AUTS2: variants seen among roughly 807,000 people sequenced by gnomAD.
AUTS2 encodes activator of transcription and developmental regulator AUTS2, also known as autism susceptibility gene 2 protein.
Under a neutral mutation model 112.4 loss-of-function variants are expected in AUTS2, and 17 were observed. That is an observed-to-expected ratio of 0.15 (90% confidence interval 0.10 to 0.23). The LOEUF (loss-of-function observed/expected upper bound fraction) is 0.23. AUTS2 is among the 10% of genes least tolerant of loss of function. The pLI is 1.00. For synonymous variants in AUTS2, 751 were observed against 702.7 expected (o/e 1.07, Z -1.09); for missense variants, 1,510 against 1,701.6 (o/e 0.89, Z 1.98).
At chr7:69,902,593 T>G (rs1287962070) in intron 2 of AUTS2, among the ~76,000 whole-genome samples, 1 of 152,204 alleles carries the variant, frequency 6.6e-6, no homozygotes, top group Non-Finnish European at 1.5e-5. Flanking sequence ...ACAGCTTTCC[T>G]GTAATTATGG....
chr7:70,515,371 G>A (rs1258470593), intron 5 of AUTS2, among the ~76,000 whole-genome samples: 1 of 152,140 alleles, frequency 6.6e-6, no homozygotes, highest in East Asian at 1.9e-4. Context: ...TGACTCCTAG[G>A]AGGATTTCCA....
intron 4 of AUTS2, among the ~76,000 whole-genome samples, chr7:70,222,147 A>G (rs1039468021): frequency 3.9e-5 from 6 of 152,240 alleles, no homozygotes; most frequent in African/African-American, 7.2e-5. Flanking sequence ...ATGCTCCAGC[A>G]TTTTACATAT....
intron 4 of AUTS2, chr7:70,290,556 A>T (rs760972478): frequency 1.0e-5 from 15 of 1,493,936 alleles, no homozygotes; most frequent in African/African-American, 4.3e-5. Flanking sequence ...ACTCTATGTG[A>T]TATAGATTCT....
At chr7:70,682,925 C>T (rs1585499518) in intron 5 of AUTS2, among the ~76,000 whole-genome samples, 2 of 152,340 alleles carry the variant, frequency 1.3e-5, no homozygotes, top group South Asian at 4.1e-4. Context: ...CTTGGGCATC[C>T]TTACTATATG....
chr7:70,690,940 G>T (rs1808722921), intron 5 of AUTS2, among the ~76,000 whole-genome samples: 1 of 152,184 alleles, frequency 6.6e-6, no homozygotes, highest in Non-Finnish European at 1.5e-5. Flanking sequence ...CAGCTTGGGT[G>T]ACAAAGTGAG....
At chr7:69,756,094 A>G (rs184397417) in intron 1 of AUTS2, among the ~76,000 whole-genome samples, 2 of 152,354 alleles carry the variant, frequency 1.3e-5, no homozygotes, top group Admixed American at 1.3e-4. Flanking sequence ...AACTGTAGGT[A>G]GTAAAGTGGC....
chr7:70,189,357 CT>C (rs1562775263), intron 4 of AUTS2, among the ~76,000 whole-genome samples: 1 of 152,178 alleles, frequency 6.6e-6, no homozygotes, highest in Non-Finnish European at 1.5e-5. Context: ...GGCATTGAAT[CT>C]TGGCCAGGCA....
At chr7:70,224,053 G>A (rs921372805) in intron 4 of AUTS2, among the ~76,000 whole-genome samples, 4 of 152,012 alleles carry the variant, frequency 2.6e-5, no homozygotes, top group Admixed American at 6.6e-5. Flanking sequence ...AGTGGCTCAC[G>A]CCTGTAATCC....
At chr7:70,051,967 G>A (rs1035493875) in intron 2 of AUTS2, among the ~76,000 whole-genome samples, 2 of 152,096 alleles carry the variant, frequency 1.3e-5, no homozygotes, top group Non-Finnish European at 2.9e-5. Flanking sequence ...GCCATTGTGT[G>A]GATTTAAAAG....
At chr7:70,027,890 T>TGAACAGTG (rs1800592926) in intron 2 of AUTS2, among the ~76,000 whole-genome samples, 1 of 152,180 alleles carries the variant, frequency 6.6e-6, no homozygotes, top group Non-Finnish European at 1.5e-5. Flanking sequence ...AAGTGTTTTT[T>TGAACAGTG]TTTGTTTGTT....
At chr7:70,773,451 T>C (rs1453132217) in intron 11 of AUTS2, among the ~76,000 whole-genome samples, 1 of 152,224 alleles carries the variant, frequency 6.6e-6, no homozygotes, top group Non-Finnish European at 1.5e-5. Flanking sequence ...AGAATTGCTT[T>C]AGAAATCATC....
chr7:69,910,775 C>G (rs1174257819), intron 2 of AUTS2, among the ~76,000 whole-genome samples: 1 of 151,868 alleles, frequency 6.6e-6, no homozygotes, highest in Non-Finnish European at 1.5e-5. Context: ...CTACAGGCAC[C>G]TGCCACCACG....
At chr7:70,412,465 AT>A (rs1346293481) in intron 4 of AUTS2, among the ~76,000 whole-genome samples, 4 of 152,174 alleles carry the variant, frequency 2.6e-5, no homozygotes, top group African/African-American at 9.6e-5. Flanking sequence ...ATCTAAGATG[AT>A]TTATGCATCT....
chr7:70,245,807 C>T (rs922229298), intron 4 of AUTS2, among the ~76,000 whole-genome samples: 5 of 152,016 alleles, frequency 3.3e-5, no homozygotes, highest in African/African-American at 1.2e-4. Flanking sequence ...TACTAGATAA[C>T]GCTAAGTTGA....
chr7:70,666,450 T>A (rs1369017707), intron 5 of AUTS2, among the ~76,000 whole-genome samples: 1 of 152,138 alleles, frequency 6.6e-6, no homozygotes, highest in Non-Finnish European at 1.5e-5. Flanking sequence ...GACAGAGATT[T>A]GGGTGTTGTT....
chr7:69,680,692 G>A (rs376729818), intron 1 of AUTS2, among the ~76,000 whole-genome samples: 1 of 151,830 alleles, frequency 6.6e-6, no homozygotes. Context: ...TATTTTTTGA[G>A]ACGGGCTCTC....
intron 5 of AUTS2, among the ~76,000 whole-genome samples, chr7:70,474,970 G>C (rs1797526491): frequency 6.6e-6 from 1 of 152,180 alleles, no homozygotes; most frequent in East Asian, 1.9e-4. Context: ...AACCTTCCCA[G>C]AATCAGGTTA....
At chr7:69,768,539 A>G (rs1788528338) in intron 1 of AUTS2, among the ~76,000 whole-genome samples, 1 of 152,312 alleles carries the variant, frequency 6.6e-6, no homozygotes, top group East Asian at 1.9e-4. Context: ...CCCTTAACAC[A>G]TGCAGCTCTG....
intron 5 of AUTS2, among the ~76,000 whole-genome samples, chr7:70,485,453 A>G (rs781098619): frequency 2.6e-5 from 4 of 151,980 alleles, no homozygotes; most frequent in Admixed American, 1.3e-4. Flanking sequence ...GATATATTGG[A>G]CTTTGGGGAC....
Sources: gnomAD v4.1 joint callset for allele counts (sites outside exome capture counted in the v4.1 genomes callset) on GRCh38, gnomAD v4.1.1 for gene constraint, MANE v1.5 for transcripts, NCBI Gene and HGNC (gene_info 2026-07-23, HGNC 2026-07-21) for gene names.